TRAPPC9: variants seen among roughly 807,000 people sequenced by gnomAD.
The protein encoded by TRAPPC9 is IKK2 binding protein.
TRAPPC9 carries 83 observed loss-of-function variants against 124.0 expected under a neutral mutation model. The ratio of observed to expected loss-of-function variants is 0.67; its 90% CI spans 0.56 to 0.80. The LOEUF (loss-of-function observed/expected upper bound fraction) is 0.80, where lower values mean the gene tolerates loss of function less well. Among genes scored for constraint, TRAPPC9 ranks in the 30% least tolerant of loss-of-function variants. The pLI is 0.00. For missense variants in TRAPPC9, 1,302 were observed against 1,508.3 expected, an observed-to-expected ratio of 0.86 and a Z score of 2.27; for synonymous variants, 638 against 617.5, an observed-to-expected ratio of 1.03 and a Z score of -0.49.
At chr8:140,100,588 C>G (rs911785330) in intron 17 of TRAPPC9, 1 of 152,966 alleles carries the variant, frequency 6.5e-6, no homozygotes, top group African/African-American at 2.4e-5. Context: ...CGTTCGGCCC[C>G]GCCCTCAGCC....
At position 140,061,773 on chromosome 8, in the gene TRAPPC9, G is replaced by A. The variant is rs535732973; in HGVS notation, c.2557-37694C>T. 3.4e-4 allele frequency among the ~76,000 whole-genome samples: 52 copies of A among 152,296 alleles called. 1 individual carries two copies. The South Asian group carries it at 0.01, about 30-fold the overall frequency. On this transcript the variant is annotated intron_variant, in intron 17 of 22. Coordinates refer to ENST00000438773, the MANE Select transcript of TRAPPC9 (RefSeq NM_001160372.4). ...GGCTGAGAATGGAGCAGCAGTCAGG[G>A]CCCACGTTGGGAAGGGCTTTGGAGA...
intron 19 of TRAPPC9, among the ~76,000 whole-genome samples, chr8:139,951,057 A>G (rs1417347064): frequency 6.6e-6 from 1 of 151,892 alleles, no homozygotes; most frequent in African/African-American, 2.4e-5. Flanking sequence ...CCCCACCGCC[A>G]CCTCCCCACC....
intron 17 of TRAPPC9, among the ~76,000 whole-genome samples, chr8:140,114,761 G>C (rs548655979): frequency 6.6e-6 from 1 of 152,112 alleles, no homozygotes; most frequent in Non-Finnish European, 1.5e-5. Flanking sequence ...AAGCCTCCTC[G>C]GAAACAGAAA....
intron 17 of TRAPPC9, among the ~76,000 whole-genome samples, chr8:140,133,763 G>GAAT (rs1370252682): frequency 6.6e-6 from 1 of 151,794 alleles, no homozygotes; most frequent in African/African-American, 2.4e-5. Flanking sequence ...CACCAGCAAT[G>GAAT]AATAATCTGA....
chr8:140,091,384 G>A (rs1458727401), intron 17 of TRAPPC9, among the ~76,000 whole-genome samples: 4 of 152,184 alleles, frequency 2.6e-5, no homozygotes, highest in Non-Finnish European at 5.9e-5. Context: ...ATGGATGGGC[G>A]AGGCTGAGTT....
At chr8:140,262,675 CAT>C (rs1186799663) in intron 15 of TRAPPC9, 2 of 151,360 alleles carry the variant, frequency 1.3e-5, no homozygotes, top group Admixed American at 6.6e-5. Context: ...ATTCAGTGCA[CAT>C]GTCTGCCTCC....
chr8:140,205,946 A>C (rs1287767275), intron 17 of TRAPPC9, among the ~76,000 whole-genome samples: 1 of 152,172 alleles, frequency 6.6e-6, no homozygotes, highest in East Asian at 1.9e-4. Context: ...TCTTATTTCC[A>C]ACCCTCACCA....
chr8:140,358,163 T>A (rs2067811390), intron 9 of TRAPPC9, among the ~76,000 whole-genome samples: 1 of 152,180 alleles, frequency 6.6e-6, no homozygotes, highest in Admixed American at 6.5e-5. Flanking sequence ...ACAGGTGCAG[T>A]GAGAAGATGG....
At chr8:139,938,770 C>T (rs1049842824) in intron 19 of TRAPPC9, among the ~76,000 whole-genome samples, 9 of 151,276 alleles carry the variant, frequency 5.9e-5, no homozygotes, top group South Asian at 2.1e-4. Flanking sequence ...CTCAGCCTCC[C>T]GAGTAGCTGG....
chr8:139,866,369 T>C (rs1828538002), intron 21 of TRAPPC9, among the ~76,000 whole-genome samples: 1 of 152,114 alleles, frequency 6.6e-6, no homozygotes, highest in Non-Finnish European at 1.5e-5. Context: ...AACTTTATTT[T>C]TGGTTGATGC....
Position 140,117,042 on chromosome 8 carries a change from C to A in TRAPPC9, c.2557-92963G>T, listed in dbSNP as rs193279012. ...CCACACGAACAGGAGGAGGAGATGT[C>A]CTCTCACCTGAAGTTCTAACACCGC... On this transcript the variant is annotated intron_variant, in intron 17 of 22. Transcript: ENST00000438773. Among the ~76,000 whole-genome samples the A allele has an allele frequency of 5.4e-4, 82 of 152,164 alleles. No individual in the cohort carries two copies. In the East Asian group the frequency reaches 0.012, roughly 23 times the overall value.
chr8:140,341,035 T>C (rs995176833), intron 9 of TRAPPC9, among the ~76,000 whole-genome samples: 1 of 152,160 alleles, frequency 6.6e-6, no homozygotes, highest in Non-Finnish European at 1.5e-5. Context: ...TTCATCCTCA[T>C]GTTACTGAGG....
intron 17 of TRAPPC9, among the ~76,000 whole-genome samples, chr8:140,071,836 C>T (rs773903665): frequency 5.9e-5 from 9 of 152,214 alleles, no homozygotes; most frequent in Non-Finnish European, 1.0e-4. Context: ...GAAACACACA[C>T]ACTGCGTATG....
chr8:140,409,338 C>T (rs1056708787), intron 5 of TRAPPC9, among the ~76,000 whole-genome samples: 2 of 151,998 alleles, frequency 1.3e-5, no homozygotes, highest in African/African-American at 2.4e-5. Context: ...AGAAAACACT[C>T]GCATGCACTG....
chr8:140,405,253 G>A (rs2069450278), intron 6 of TRAPPC9: 1 of 258,288 alleles, frequency 3.9e-6, no homozygotes, highest in South Asian at 4.4e-5. Context: ...ACATAAGTAT[G>A]CTCCATTTCT....
At chr8:140,384,018 TAAAGA>T in intron 7 of TRAPPC9, among the ~76,000 whole-genome samples, 1 of 152,096 alleles carries the variant, frequency 6.6e-6, no homozygotes, top group East Asian at 1.9e-4. Flanking sequence ...TCAACATGCT[TAAAGA>T]AAAGAAGTTT....
chr8:139,856,401 C>T (rs923773501), intron 21 of TRAPPC9, among the ~76,000 whole-genome samples: 17 of 152,150 alleles, frequency 1.1e-4, no homozygotes, highest in African/African-American at 3.9e-4. Flanking sequence ...GACAGCCCTG[C>T]GGCGGCTCCC....
At chr8:140,154,560 T>TA (rs1231768306) in intron 17 of TRAPPC9, among the ~76,000 whole-genome samples, 1 of 152,144 alleles carries the variant, frequency 6.6e-6, no homozygotes, top group African/African-American at 2.4e-5. Flanking sequence ...TCCCACCTCC[T>TA]AGCCCTCTGC....
In TRAPPC9 at chr8:140,275,666, G is replaced by A; in HGVS notation, c.2270C>T (p.Thr757Ile). 1 of 1,614,098 alleles carries A rather than the reference G, an allele frequency of 6.2e-7. No individual in the cohort carries two copies. Among genetic ancestry groups the A allele is most frequent in the Non-Finnish European group, 8.5e-7 (1 of 1,179,966 alleles). ...EKLEVTSKVL[T>I]TKEKLYGDFL... Reference sequence around the variant, plus strand: ...CTGCTTACAATACCTACCTTTAGTGGTGAGAACTTTCGAGGTGACCTCCAG... The same window carrying A: ...CTGCTTACAATACCTACCTTTAGTGATGAGAACTTTCGAGGTGACCTCCAG... The change falls in exon 15 of 23, where the codon ACC (threonine) becomes ATC (isoleucine). Residue 757 changes from threonine to isoleucine, a missense_variant. Transcript: ENST00000438773.
Sources: allele counts gnomAD v4.1 joint callset (sites outside exome capture counted in the v4.1 genomes callset), GRCh38; gene constraint gnomAD v4.1.1; transcripts MANE v1.5; gene names NCBI Gene and HGNC (gene_info 2026-07-23, HGNC 2026-07-21).